Variants in LRRK2 observed in about 807,000 individuals in gnomAD.
The protein encoded by LRRK2 is leucine rich repeat kinase 2, also known as leucine-rich repeat serine/threonine-protein kinase 2.
Under a neutral mutation model 302.6 loss-of-function variants are expected in LRRK2, and 203 were observed. The ratio of observed to expected loss-of-function variants is 0.67; its 90% confidence interval spans 0.60 to 0.75. The LOEUF (loss-of-function observed/expected upper bound fraction) is 0.75, where lower values mean the gene tolerates loss of function less well. LRRK2 is among the 30% of genes least tolerant of loss of function. LRRK2 has a pLI of 0.00. For missense variants in LRRK2, 2,830 were observed against 2,951.0 expected (o/e 0.96, Z 0.95); for synonymous variants, 1,066 against 1,031.9 (o/e 1.03, Z -0.63).
intron 39 of LRRK2, among the ~76,000 whole-genome samples, chr12:40,329,560 A>G (rs1945651305): frequency 6.6e-6 from 1 of 152,176 alleles, no homozygotes; most frequent in Non-Finnish European, 1.5e-5. Flanking sequence ...TTTGTACAGA[A>G]CCAAAATATT....
At chr12:40,266,685 A>G (rs17461720) in intron 14 of LRRK2, among the ~76,000 whole-genome samples, 5,323 of 152,290 alleles carry the variant, frequency 0.035, 115 homozygotes, top group Non-Finnish European at 0.053. Flanking sequence ...TCATGCTGCT[A>G]TAAAGACACT....
intron 2 of LRRK2, among the ~76,000 whole-genome samples, chr12:40,230,317 G>A (rs550399665): frequency 2.0e-5 from 3 of 152,180 alleles, no homozygotes; most frequent in East Asian, 3.9e-4. Flanking sequence ...GTTTACTCCC[G>A]TAAGCGAGTA....
intron 4 of LRRK2, among the ~76,000 whole-genome samples, chr12:40,237,113 C>CA (rs370762224): frequency 2.3e-4 from 34 of 146,522 alleles, no homozygotes; most frequent in East Asian, 9.9e-4. Flanking sequence ...GAAGAGATAC[C>CA]AAAAAAAAAA....
Position 40,305,635 on chromosome 12 carries a change from C to T in LRRK2, c.3778-150C>T, listed in dbSNP as rs528312743. ...TTAAACACATACTGACAACTTATGA[C>T]AAACCTTTGGAAAGTTTTAAAACTC... On this transcript the variant is annotated intron_variant, in intron 27 of 50. Transcript: ENST00000298910. 3 of 737,818 alleles carry T rather than the reference C, an allele frequency of 4.1e-6. No individual in the cohort carries two copies. The South Asian group carries it at 4.6e-5, about 11-fold the overall frequency. 45.7% of individuals were successfully genotyped at this position (737,818 alleles called of 1,614,324 possible). A position where few individuals can be genotyped will look rare whatever the true frequency, so the allele number is the denominator to read the frequency against.
At chr12:40,339,552 C>G (rs1945974423) in intron 40 of LRRK2, among the ~76,000 whole-genome samples, 1 of 152,040 alleles carries the variant, frequency 6.6e-6, no homozygotes, top group Non-Finnish European at 1.5e-5. Flanking sequence ...GGGTCAGTCT[C>G]CAGAAGGTTG....
chr12:40,296,360 G>A (rs575893996), intron 23 of LRRK2, among the ~76,000 whole-genome samples: 5 of 152,274 alleles, frequency 3.3e-5, no homozygotes, highest in African/African-American at 1.2e-4. Flanking sequence ...GGCTGGGCAT[G>A]GTGACTCATG....
chr12:40,238,299 G>T (rs1356072539), intron 5 of LRRK2, among the ~76,000 whole-genome samples, 196 bp downstream of exon 5: 4 of 152,110 alleles, frequency 2.6e-5, no homozygotes, highest in African/African-American at 7.2e-5. Context: ...AATTTCATTC[G>T]TGGGTTATAA....
At chr12:40,293,390 C>G (rs1384217611) in intron 20 of LRRK2, among the ~76,000 whole-genome samples, 155 bp from the exon 21 acceptor site, 1 of 152,084 alleles carries the variant, frequency 6.6e-6, no homozygotes, top group South Asian at 2.1e-4. Context: ...GGCTTATCAT[C>G]TCTATTTTAA....
rs757360567 is a variant in LRRK2, at chr12:40,251,386, A to G, written c.1101+12A>G. 12 of 1,612,866 alleles carry G rather than the reference A, an allele frequency of 7.4e-6. No homozygotes were observed. Among genetic ancestry groups the G allele is most frequent in the Non-Finnish European group, 1.0e-5 (12 of 1,178,884 alleles). ...ACAAGCACGTGCAGGTAGGACTCTC[A>G]TAAATATTAGAGTTATTCAAAATTA... On this transcript the variant is annotated intron_variant, in intron 9 of 50. Coordinates refer to ENST00000298910, the MANE Select transcript of LRRK2 (RefSeq NM_198578.4).
At chr12:40,329,415 T>G (rs1945645990) in intron 39 of LRRK2, among the ~76,000 whole-genome samples, 1 of 152,186 alleles carries the variant, frequency 6.6e-6, no homozygotes, top group Non-Finnish European at 1.5e-5. Flanking sequence ...TTCTTTAATT[T>G]ATTCTATTAT....
At chr12:40,353,013 T>G (rs954401018) in intron 44 of LRRK2, among the ~76,000 whole-genome samples, 4 of 151,940 alleles carry the variant, frequency 2.6e-5, no homozygotes, top group Non-Finnish European at 4.4e-5. Context: ...GCAGAGGGGC[T>G]CCTCACTTCC....
At chr12:40,291,431 A>AATATATATAT (rs57902292) in intron 20 of LRRK2, among the ~76,000 whole-genome samples, 309 of 146,372 alleles carry the variant, frequency 2.1e-3, no homozygotes, top group East Asian at 5.9e-3. Context: ...AGTATAATAA[A>AATATATATAT]ATATATATAT....
intron 13 of LRRK2, among the ~76,000 whole-genome samples, chr12:40,260,453 C>G (rs561521170): frequency 6.6e-6 from 1 of 151,226 alleles, no homozygotes; most frequent in South Asian, 2.1e-4. Flanking sequence ...ACATTTCAAG[C>G]AGAAGAAAGT....
At position 40,237,969 on chromosome 12, in the gene LRRK2, G is replaced by T. The variant is rs1388319769; in HGVS notation, c.437G>T (p.Gly146Val). Residue 146 changes from glycine (G) to valine (V), a missense_variant and splice_region_variant, in exon 5 of 51, where the codon GGT (glycine) becomes GTT (valine). By Grantham distance (109) the Gly-to-Val change is moderately radical. Transcript: ENST00000298910. Reference protein sequence around the residue: ...LKTLDLLLTSGKITLLILDEE... With the variant: ...LKTLDLLLTSVKITLLILDEE... ...GAGCATATTATTCTCTTTAAAATAG[G>T]TAAAATCACCTTGCTGATATTGGAT... The T allele has an allele frequency of 6.2e-7, 1 of 1,610,144 alleles. No individual in the cohort carries two copies.
At chr12:40,360,490 C>T (rs552686095) in intron 47 of LRRK2, among the ~76,000 whole-genome samples, 1 of 152,042 alleles carries the variant, frequency 6.6e-6, no homozygotes, top group Non-Finnish European at 1.5e-5. Flanking sequence ...GTACCATGGG[C>T]CAGACTGCCA....
intron 2 of LRRK2, among the ~76,000 whole-genome samples, chr12:40,231,806 TAA>T (rs1491258556): frequency 6.8e-6 from 1 of 147,328 alleles, no homozygotes; most frequent in Non-Finnish European, 1.5e-5. Flanking sequence ...TATATATATA[TAA>T]TATATATATA....
chr12:40,225,388 T>A, intron 1 of LRRK2, 106 bp downstream of exon 1: 1 of 1,419,766 alleles, frequency 7.0e-7, no homozygotes, highest in Non-Finnish European at 9.8e-7. Flanking sequence ...AAACCCGGAC[T>A]CTTAAGGAGC....
At chr12:40,233,451 A>T (rs2136400962) in intron 3 of LRRK2, among the ~76,000 whole-genome samples, 2 of 152,296 alleles carry the variant, frequency 1.3e-5, no homozygotes, top group Admixed American at 1.3e-4. Context: ...ATAAGTGAAC[A>T]TGTCTGTGCT....
intron 30 of LRRK2, among the ~76,000 whole-genome samples, chr12:40,310,131 A>C (rs897890406): frequency 1.3e-5 from 2 of 152,146 alleles, no homozygotes; most frequent in African/African-American, 4.8e-5. Context: ...TTAGGAGTGA[A>C]TAACTCATCT....
Sources: gnomAD v4.1 joint callset for allele counts (sites outside exome capture counted in the v4.1 genomes callset) on GRCh38, gnomAD v4.1.1 for gene constraint, MANE v1.5 for transcripts, NCBI Gene and HGNC (gene_info 2026-07-23, HGNC 2026-07-21) for gene names.